Variants in PARP4 observed in about 807,000 individuals in gnomAD.
PARP4 encodes protein mono-ADP-ribosyltransferase PARP4.
A neutral mutation model predicts 187.7 loss-of-function variants in PARP4; 120 were observed. That is an observed-to-expected ratio of 0.64 (90% confidence interval 0.55 to 0.74). The LOEUF is 0.74. Ranked by LOEUF, PARP4 falls within the 30% of genes least tolerant of loss-of-function variation. PARP4 has a pLI of 0.00. For synonymous variants in PARP4, 654 were observed against 740.9 expected (o/e 0.88, Z 1.90); for missense variants, 1,836 against 2,070.5 (o/e 0.89, Z 2.20).
Position 24,483,784 on chromosome 13 carries a change from G to A in PARP4, c.1448+869C>T, listed in dbSNP as rs191999828. The stretch of plus-strand genomic sequence containing the variant: ...TGGGACTACAGGTGCACACCACCAC[G>A]CCCAGCTAATTTTTGTATTTTTATT... On this transcript the variant is annotated intron_variant, in intron 12 of 33. Coordinates refer to ENST00000381989, the MANE Select transcript of PARP4 (RefSeq NM_006437.4). 1.8e-4 allele frequency among the ~76,000 whole-genome samples: 28 copies of A among 152,152 alleles called. No individual in the cohort carries two copies. The East Asian group carries it at 3.3e-3, about 18-fold the overall frequency.
At chr13:24,470,163 T>C (rs1872671099) in intron 15 of PARP4, 138 bp from the exon 16 acceptor site, 1 of 730,016 alleles carries the variant, frequency 1.4e-6, no homozygotes, top group Non-Finnish European at 2.2e-6. Context: ...TTCCCAACCC[T>C]GGCTTCACTT....
intron 17 of PARP4, among the ~76,000 whole-genome samples, chr13:24,465,742 T>G (rs1224964018): frequency 6.6e-6 from 1 of 150,400 alleles, no homozygotes; most frequent in African/African-American, 2.5e-5. Context: ...GTAACAAACC[T>G]GCATGTCTTG....
At chr13:24,495,485 A>G (rs1371161779) in intron 6 of PARP4, among the ~76,000 whole-genome samples, 1 of 152,236 alleles carries the variant, frequency 6.6e-6, no homozygotes, top group Admixed American at 6.5e-5. Context: ...CAGGAAAGTT[A>G]TTAGGTCATG....
In PARP4 at chr13:24,426,604, A is replaced by C; in HGVS notation, c.4847-6T>G. On this transcript the variant is annotated splice_region_variant and splice_polypyrimidine_tract_variant and intron_variant, in intron 32 of 33. Coordinates refer to ENST00000381989, the MANE Select transcript of PARP4 (RefSeq NM_006437.4). Reference sequence around the variant, plus strand: ...ACATTCTCTTCCTTTTACACCTAAAAGGAAAAAAACTCCGTTAAGTCTGTT... The same window carrying C: ...ACATTCTCTTCCTTTTACACCTAAACGGAAAAAAACTCCGTTAAGTCTGTT... 1 of 1,609,014 alleles carries C rather than the reference A, an allele frequency of 6.2e-7. No homozygotes were observed. Among genetic ancestry groups the C allele is most frequent in the South Asian group, 1.1e-5 (1 of 89,788 alleles).
chr13:24,456,263 T>C (rs1275745679), intron 21 of PARP4, 78 bp downstream of exon 21: 3 of 1,155,384 alleles, frequency 2.6e-6, no homozygotes, highest in Admixed American at 2.2e-5. Flanking sequence ...GGACAATCAA[T>C]AATTTGCAAG....
In PARP4 at chr13:24,488,532, T is replaced by C. The variant is rs564353906; in HGVS notation, c.1214+2136A>G. ...CCATGCCCGGCTAATTTTTGTATTT[T>C]TAGTTGAGACAGGGTTTCACCATGT... is the stretch of plus-strand genomic sequence containing the variant. On this transcript the variant is annotated intron_variant, in intron 10 of 33. Transcript: ENST00000381989. 4.1e-3 allele frequency among the ~76,000 whole-genome samples: 625 copies of C among 151,694 alleles called. 3 individuals are homozygous for C. Among genetic ancestry groups the C allele is most frequent in the South Asian group, 0.013 (63 of 4,780 alleles).
At chr13:24,503,948 T>A (rs1427582551) in intron 1 of PARP4, among the ~76,000 whole-genome samples, 171 bp from the exon 2 acceptor site, 11 of 152,234 alleles carry the variant, frequency 7.2e-5, no homozygotes, top group Non-Finnish European at 1.6e-4. Flanking sequence ...GCTTGCAATA[T>A]GTGTGTTGGT....
chr13:24,505,003 CT>C (rs34271210), intron 1 of PARP4, among the ~76,000 whole-genome samples: 32,146 of 129,532 alleles, frequency 0.25, 3,983 homozygotes, highest in South Asian at 0.41. Flanking sequence ...CACACCCCCG[CT>C]TTTTTTTTTT....
chr13:24,438,323 C>A (rs538705807), intron 30 of PARP4, among the ~76,000 whole-genome samples: 1 of 152,330 alleles, frequency 6.6e-6, no homozygotes, highest in East Asian at 1.9e-4. Flanking sequence ...GAATCTACTG[C>A]CGCTGCTGAC....
At chr13:24,489,441 C>A (rs1383900616) in intron 10 of PARP4, among the ~76,000 whole-genome samples, 1 of 152,060 alleles carries the variant, frequency 6.6e-6, no homozygotes, top group Non-Finnish European at 1.5e-5. Context: ...AACCCCGTCT[C>A]TACTAAAAAT....
At chr13:24,506,833 T>G (rs1869715569) in intron 1 of PARP4, among the ~76,000 whole-genome samples, 1 of 152,182 alleles carries the variant, frequency 6.6e-6, no homozygotes, top group African/African-American at 2.4e-5. Flanking sequence ...TCCTCAGCCC[T>G]TGGGTGGTCG....
At chr13:24,455,506 T>TATATATATCACACA (rs1555234626) in intron 21 of PARP4, among the ~76,000 whole-genome samples, 1 of 135,450 alleles carries the variant, frequency 7.4e-6, no homozygotes, top group African/African-American at 2.7e-5. Flanking sequence ...TATATATATA[T>TATATATATCACACA]CACACTATTC....
chr13:24,508,438 A>C (rs1377339556), intron 1 of PARP4, among the ~76,000 whole-genome samples: 1 of 152,154 alleles, frequency 6.6e-6, no homozygotes, highest in Non-Finnish European at 1.5e-5. Flanking sequence ...AAAGAACAAA[A>C]CAAAAAAATC....
Position 24,484,706 on chromosome 13 carries a change from T to A in PARP4, c.1395A>T (p.Gln465His). ...LPKVVEDRGV[Q>H]RTDVGNLGSG... is the part of the protein sequence containing the mutation. ...TTCCAAGGTTTCCGACGTCTGTTCTTTGCACACCACGATCTTCCACTACTT... is the reference window on the plus strand; with the variant it reads ...TTCCAAGGTTTCCGACGTCTGTTCTATGCACACCACGATCTTCCACTACTT... The change falls in exon 12 of 34, where the codon CAA becomes CAT. Residue 465 changes from glutamine to histidine, a missense_variant. Around this residue, in one of 8 missense-constraint regions of PARP4, gnomAD observed 1,147 missense variants for 1,214.2 expected, o/e 0.94. Coordinates refer to ENST00000381989, the MANE Select transcript of PARP4 (RefSeq NM_006437.4). 17 of 1,612,058 alleles carry A rather than the reference T, an allele frequency of 1.1e-5. No individual in the cohort carries two copies. Among genetic ancestry groups the A allele is most frequent in the Non-Finnish European group, 1.4e-5 (17 of 1,178,170 alleles).
chr13:24,481,497 A>G (rs1873281051), intron 12 of PARP4, among the ~76,000 whole-genome samples: 1 of 152,226 alleles, frequency 6.6e-6, no homozygotes, highest in African/African-American at 2.4e-5. Context: ...GTTCGAGACC[A>G]GCCTGCCCAA....
intron 11 of PARP4, among the ~76,000 whole-genome samples, chr13:24,485,608 A>T (rs1873510579): frequency 6.6e-6 from 1 of 152,152 alleles, no homozygotes; most frequent in Admixed American, 6.6e-5. Context: ...CTGTGACTTC[A>T]GTTTCAGCCC....
chr13:24,459,964 G>A lies in PARP4; in HGVS notation c.2298+8C>T, dbSNP rs763679308. On this transcript the variant is annotated splice_region_variant and intron_variant, in intron 18 of 33. Transcript: ENST00000381989. The stretch of plus-strand genomic sequence containing the variant: ...CAAAATGCTTCTTCAAATCTTATGC[G>A]TACAAACCTGAAGGTTTTCATTCAA... 5.0e-5 allele frequency: 81 copies of A among 1,612,396 alleles called. 1 individual carries two copies. Among genetic ancestry groups the A allele is most frequent in the South Asian group, 1.1e-4 (10 of 90,756 alleles).
Position 24,467,548 on chromosome 13 carries a change from C to T in PARP4, c.2133+1476G>A, listed in dbSNP as rs574793764. Among the ~76,000 whole-genome samples, 92 of 152,240 alleles carry T rather than the reference C, an allele frequency of 6.0e-4. 2 individuals carry two copies. The South Asian group carries it at 0.018, about 30-fold the overall frequency. On this transcript the variant is annotated intron_variant, in intron 17 of 33. Coordinates refer to ENST00000381989, the MANE Select transcript of PARP4 (RefSeq NM_006437.4). ...AACTCCTGGGCTCAAGTGATCCTCC[C>T]GCCTTGGCCTCCAAAAGTGCTGGGA...
chr13:24,435,927 AAAAAAAAAAG>A (rs1289472763), intron 30 of PARP4, among the ~76,000 whole-genome samples: 9,270 of 73,414 alleles, frequency 0.13, 847 homozygotes, highest in African/African-American at 0.3. Flanking sequence ...AAAAAAAAAA[AAAAAAAAAAG>A]AAAGAAAGAA....
Sources: gnomAD v4.1 joint callset for allele counts (sites outside exome capture counted in the v4.1 genomes callset) on GRCh38, gnomAD v4.1.1 for gene constraint, gnomAD v4.1.1 regional missense constraint, MANE v1.5 for transcripts, NCBI Gene and HGNC (gene_info 2026-07-23, HGNC 2026-07-21) for gene names.